MTA3: variants seen among roughly 807,000 people sequenced by gnomAD.
The protein encoded by MTA3 is metastasis associated 1 family member 3.
In MTA3, 34 loss-of-function variants were observed where a neutral mutation model predicts 83.5. The observed-to-expected ratio is 0.41, with a 90% CI of 0.31 to 0.54. The LOEUF (loss-of-function observed/expected upper bound fraction) is 0.54, where lower values mean the gene tolerates loss of function less well. MTA3 is among the 20% of genes least tolerant of loss of function. The probability of loss-of-function intolerance (pLI) is 0.33; values close to 1 mark genes in which losing one functional copy is unlikely to be tolerated. For missense variants in MTA3, 761 were observed against 726.4 expected, an observed-to-expected ratio of 1.05 and a Z score of -0.55; for synonymous variants, 303 against 252.7, an observed-to-expected ratio of 1.20 and a Z score of -1.89.
chr2:42,615,760 G>C lies in MTA3; in HGVS notation c.317+6176G>C, dbSNP rs997258017. ...TTTTGAGACGGAGTCTCGCTCTGTC[G>C]CCCAGGCTGGAGTGTGGTGGCCTGA... On this transcript the variant is annotated intron_variant, in intron 4 of 16. Transcript: ENST00000405094. Among the ~76,000 whole-genome samples the C allele has an allele frequency of 1.3e-4, 15 of 111,828 alleles. No individual in the cohort carries two copies. In the South Asian group the frequency reaches 2.1e-3, roughly 16 times the overall value. 73.4% of individuals were successfully genotyped at this position (111,828 alleles called of 152,430 possible).
At chr2:42,675,694 A>G (rs1391369548) in intron 8 of MTA3, among the ~76,000 whole-genome samples, 1 of 152,174 alleles carries the variant, frequency 6.6e-6, no homozygotes, top group African/African-American at 2.4e-5. Flanking sequence ...AATTTGTGTT[A>G]TCTTACTGAT....
chr2:42,592,677 C>T (rs1423210973), intron 3 of MTA3, among the ~76,000 whole-genome samples: 1 of 152,162 alleles, frequency 6.6e-6, no homozygotes, highest in East Asian at 1.9e-4. Flanking sequence ...TCAGGATCAT[C>T]AATATCACTG....
intron 6 of MTA3, among the ~76,000 whole-genome samples, chr2:42,652,761 T>C (rs918851635): frequency 1.3e-5 from 2 of 152,224 alleles, no homozygotes; most frequent in African/African-American, 4.8e-5. Context: ...TCAAAATGAA[T>C]GTGACTTTAA....
At chr2:42,589,168 A>T (rs966683236) in intron 3 of MTA3, among the ~76,000 whole-genome samples, 7 of 152,172 alleles carry the variant, frequency 4.6e-5, no homozygotes, top group African/African-American at 1.7e-4. Flanking sequence ...TCGGCACCTT[A>T]TTTCAACCAG....
At chr2:42,668,848 A>G (rs1284868292) in intron 8 of MTA3, among the ~76,000 whole-genome samples, 3 of 152,190 alleles carry the variant, frequency 2.0e-5, no homozygotes, top group East Asian at 1.9e-4. Flanking sequence ...AAAACAAGCT[A>G]TAATTTTTTC....
intron 3 of MTA3, among the ~76,000 whole-genome samples, chr2:42,585,164 A>G (rs1223665541): frequency 1.3e-5 from 2 of 152,062 alleles, no homozygotes; most frequent in Admixed American, 6.6e-5. Context: ...TCTCCGGCTC[A>G]CTGCAACCTC....
At chr2:42,553,876 A>T (rs1322421930) in intron 2 of MTA3, among the ~76,000 whole-genome samples, 1 of 68,992 alleles carries the variant, frequency 1.4e-5, no homozygotes, top group East Asian at 2.9e-4. Flanking sequence ...ATCTCAAAAA[A>T]AAAAAAAAAA....
At chr2:42,589,088 A>G (rs888121857) in intron 3 of MTA3, among the ~76,000 whole-genome samples, 3 of 152,164 alleles carry the variant, frequency 2.0e-5, no homozygotes, top group Admixed American at 6.6e-5. Context: ...TTTCATAACA[A>G]TATCTAAATT....
At chr2:42,501,499 AC>A (rs1674393852) in intron 2 of MTA3, among the ~76,000 whole-genome samples, 1 of 152,222 alleles carries the variant, frequency 6.6e-6, no homozygotes. Context: ...TTGTCAGCCA[AC>A]CCACTCCTAA....
intron 11 of MTA3, among the ~76,000 whole-genome samples, chr2:42,699,654 G>A (rs1693690393): frequency 1.3e-5 from 2 of 152,098 alleles, no homozygotes; most frequent in Non-Finnish European, 2.9e-5. Flanking sequence ...GGTGTCAAGT[G>A]TGAATCCTAG....
Position 42,708,901 on chromosome 2 carries a change from C to T in MTA3, c.1330C>T (p.Arg444Cys), listed in dbSNP as rs374558024. The stretch of plus-strand genomic sequence containing the variant: ...CCCTCGTGTTAGAAGTCACGTGTCC[C>T]GCCAGGCCATGCAGGGAATGCCAGT... ...EDPRVRSHVS[R>C]QAMQGMPVRN... The change falls in exon 14 of 17, where the codon CGC (arginine) becomes TGC (cysteine). Residue 444 changes from arginine (R) to cysteine (C), a missense_variant. Coordinates refer to ENST00000405094, the MANE Select transcript of MTA3 (RefSeq NM_001330442.2). 82 of 1,613,816 alleles carry T rather than the reference C, an allele frequency of 5.1e-5. No individual in the cohort carries two copies. Among genetic ancestry groups the T allele is most frequent in the African/African-American group, 2.3e-4 (17 of 74,894 alleles).
intron 3 of MTA3, among the ~76,000 whole-genome samples, chr2:42,588,784 T>A (rs544879292): frequency 7.4e-6 from 1 of 134,292 alleles, no homozygotes; most frequent in East Asian, 2.1e-4. Flanking sequence ...TATGTATGCA[T>A]GTATACACAT....
intron 3 of MTA3, among the ~76,000 whole-genome samples, chr2:42,606,617 C>A (rs1683454224): frequency 6.9e-6 from 1 of 145,042 alleles, no homozygotes. Flanking sequence ...GGCAGAGGGG[C>A]TCCTCACATC....
intron 2 of MTA3, among the ~76,000 whole-genome samples, chr2:42,572,723 TTGTTTTG>T (rs537968247): frequency 2.0e-5 from 3 of 152,028 alleles, no homozygotes; most frequent in Non-Finnish European, 2.9e-5. Flanking sequence ...AACTTTTGTT[TTGTTTTG>T]TTTTTTGTTT....
intron 14 of MTA3, among the ~76,000 whole-genome samples, chr2:42,715,289 G>A (rs1044090137): frequency 2.6e-5 from 4 of 151,752 alleles, no homozygotes; most frequent in African/African-American, 9.7e-5. Flanking sequence ...AGGGCCAACT[G>A]TATTTTTCCT....
chr2:42,726,932 CTGG>C (rs1192396785), intron 16 of MTA3, among the ~76,000 whole-genome samples: 3 of 152,322 alleles, frequency 2.0e-5, no homozygotes, highest in Admixed American at 1.3e-4. Flanking sequence ...GTGGCTTGCA[CTGG>C]TAATCCCAGC....
chr2:42,500,099 T>A (rs1355743851), intron 2 of MTA3, among the ~76,000 whole-genome samples: 1 of 151,892 alleles, frequency 6.6e-6, no homozygotes, highest in Non-Finnish European at 1.5e-5. Context: ...TGAAACTCTG[T>A]CTCTACTAAA....
intron 8 of MTA3, among the ~76,000 whole-genome samples, chr2:42,679,044 T>G (rs2104428532): frequency 6.6e-6 from 1 of 152,302 alleles, no homozygotes; most frequent in Non-Finnish European, 1.5e-5. Flanking sequence ...CTCAGAGCAG[T>G]TAACTGATCT....
At chr2:42,647,170 A>AAAAAAAAAAAACAG (rs1688288971) in intron 6 of MTA3, among the ~76,000 whole-genome samples, 1 of 150,912 alleles carries the variant, frequency 6.6e-6, no homozygotes, top group Non-Finnish European at 1.5e-5. Flanking sequence ...AAAAAAAACA[A>AAAAAAAAAAAACAG]AAAAGAAAGG....
Sources: gnomAD v4.1 joint callset for allele counts (sites outside exome capture counted in the v4.1 genomes callset) on GRCh38, gnomAD v4.1.1 for gene constraint, MANE v1.5 for transcripts, NCBI Gene and HGNC (gene_info 2026-07-23, HGNC 2026-07-21) for gene names.